The following KRT39 variants were observed in gnomAD, a reference collection of about 807,000 sequenced individuals.
The protein encoded by KRT39 is keratin, type I cytoskeletal 39.
Under a neutral mutation model 54.8 loss-of-function variants are expected in KRT39, and 47 were observed. The ratio of observed to expected loss-of-function variants is 0.86; its 90% CI spans 0.68 to 1.09. The LOEUF is 1.09. KRT39 is among the 50% of genes least tolerant of loss of function. KRT39 has a pLI of 0.00. For missense variants in KRT39, 580 were observed against 598.5 expected, an observed-to-expected ratio of 0.97 and a Z score of 0.32; for synonymous variants, 207 against 227.9, an observed-to-expected ratio of 0.91 and a Z score of 0.83.
Position 40,962,163 on chromosome 17 carries a change from A to G in KRT39, c.995T>C (p.Met332Thr), listed in dbSNP as rs999151291. ...LEVELQAQHR[M>T]RDSQECILTE... ...AGGCTTGGTCAGCTTGCTCAGTACC[A>G]TTCGATGCTGGGCCTGCAGTTCAAC... Residue 332 changes from methionine to threonine, a missense_variant and splice_region_variant, in exon 5 of 7, where the codon ATG (methionine) becomes ACG (threonine). Transcript: ENST00000355612. 7.4e-6 allele frequency: 12 copies of G among 1,614,132 alleles called. No homozygotes were observed. Among genetic ancestry groups the G allele is most frequent in the Middle Eastern group, 1.7e-4 (1 of 6,058 alleles).
In KRT39 at chr17:40,964,046, A is replaced by G. The variant is rs1311639514; in HGVS notation, c.552-263T>C. On this transcript the variant is annotated intron_variant, in intron 2 of 6. Coordinates refer to ENST00000355612, the MANE Select transcript of KRT39 (RefSeq NM_213656.4). ...CTTCCTCTGCCCCTAGTGGCAATGC[A>G]ATGTAAGTGAAGAAAGCACTGGATT... The G allele has an allele frequency of 7.0e-6, 3 of 428,000 alleles. No homozygotes were observed. The Admixed American group carries it at 1.2e-4, about 17-fold the overall frequency. The allele number at this position is 428,000 out of a possible 1,614,324, so 26.5% of individuals were successfully genotyped here.
Position 40,958,703 on chromosome 17 carries a change from C to G in KRT39, c.1374G>C (p.Leu458=), listed in dbSNP as rs1404781824. ...CCTTGGTGATGGTGCAAATTTTAAC[C>G]AGTATCCGGGACAGGGGTCCGCAGG... The part of the protein sequence containing the change: ...CSACGPLSRI[L]VKICTITKEI... The change falls in exon 7 of 7, where the codon CTG becomes CTC. Residue 458 remains leucine, a synonymous_variant. Coordinates refer to ENST00000355612, the MANE Select transcript of KRT39 (RefSeq NM_213656.4). The G allele has an allele frequency of 6.2e-7, 1 of 1,614,046 alleles. No homozygotes were observed. Among genetic ancestry groups the G allele is most frequent in the East Asian group, 2.2e-5 (1 of 44,874 alleles).
intron 3 of KRT39, 60 bp from the exon 4 acceptor site, chr17:40,962,623 G>T: frequency 6.9e-7 from 1 of 1,441,372 alleles, no homozygotes; most frequent in Non-Finnish European, 9.6e-7. Flanking sequence ...TTGTGTTCTT[G>T]TTTCACTCTA....
chr17:40,962,348 G>C, intron 4 of KRT39, 54 bp downstream of exon 4: 5 of 1,611,830 alleles, frequency 3.1e-6, no homozygotes, highest in Non-Finnish European at 4.2e-6. Context: ...TTGATTAAAG[G>C]GCCCTAGAAA....
At chr17:40,965,494 T>C (rs1911352667) in intron 1 of KRT39, among the ~76,000 whole-genome samples, 1 of 152,242 alleles carries the variant, frequency 6.6e-6, no homozygotes, top group Non-Finnish European at 1.5e-5. Flanking sequence ...AGGTCACCAA[T>C]ATTTTCCCAG....
intron 2 of KRT39, chr17:40,964,200 C>T: frequency 5.8e-6 from 3 of 520,848 alleles, no homozygotes; most frequent in Non-Finnish European, 1.0e-5. Flanking sequence ...TATATTAGTC[C>T]TATCTATTTT....
At chr17:40,959,016 GA>G (rs1280354010) in intron 6 of KRT39, among the ~76,000 whole-genome samples, 157 bp from the exon 7 acceptor site, 7 of 152,170 alleles carry the variant, frequency 4.6e-5, no homozygotes, top group African/African-American at 1.7e-4. Context: ...GTTACTGGAA[GA>G]AAAAGAATCA....
In KRT39 at chr17:40,962,288, C is replaced by G. The variant is rs747669462; in HGVS notation, c.871-1G>C. ...CCACTTGTTGATTCAGCTCCTCTAT[C>G]TGAAACACACAGCCAGAGACTGAGA... On this transcript the variant is annotated splice_acceptor_variant, in intron 4 of 6. Coordinates refer to ENST00000355612, the MANE Select transcript of KRT39 (RefSeq NM_213656.4). LOFTEE classifies it high-confidence loss of function. The G allele has an allele frequency of 4.3e-6, 7 of 1,614,004 alleles. No individual in the cohort carries two copies. Among genetic ancestry groups the G allele is most frequent in the Non-Finnish European group, 5.1e-6 (6 of 1,179,984 alleles).
Position 40,958,441 on chromosome 17 carries a change from G to A in KRT39, c.*160C>T, listed in dbSNP as rs1234832816. ...ATGTTAGCAGTGGTGAGTTAGGGAA[G>A]GAGCAGAATAAAAGATATTCTACCT... On this transcript the variant is annotated 3_prime_UTR_variant, in exon 7 of 7. Coordinates refer to ENST00000355612, the MANE Select transcript of KRT39 (RefSeq NM_213656.4). The A allele has an allele frequency of 9.2e-6, 6 of 648,842 alleles. No homozygotes were observed. The Admixed American group carries it at 1.2e-4, about 13-fold the overall frequency. 40.2% of individuals were successfully genotyped at this position (648,842 alleles called of 1,614,324 possible).
At position 40,962,235 on chromosome 17, in the gene KRT39, C is replaced by T. The variant is rs867037966; in HGVS notation, c.923G>A (p.Cys308Tyr). 1 of 1,614,220 alleles carries T rather than the reference C, an allele frequency of 6.2e-7. No homozygotes were observed. Among genetic ancestry groups the T allele is most frequent in the Non-Finnish European group, 8.5e-7 (1 of 1,180,048 alleles). Reference protein sequence around the residue: ...VVTSSQQQQCCQKEIIELRRS... With the variant: ...VVTSSQQQQCYQKEIIELRRS... ...TCTCAGTTCTATGATCTCCTTTTGGCAGCATTGCTGCTGTTGAGAGCTGGT... is the reference window on the plus strand; with the variant it reads ...TCTCAGTTCTATGATCTCCTTTTGGTAGCATTGCTGCTGTTGAGAGCTGGT... Residue 308 changes from cysteine to tyrosine, a missense_variant, in exon 5 of 7, where the codon TGC (cysteine) becomes TAC (tyrosine). Transcript: ENST00000355612.
rs1285639920 is a variant in KRT39, at chr17:40,958,712, G to A, written c.1365C>T (p.Ser455=). The change falls in exon 7 of 7, where the codon TCC becomes TCT. Residue 455 remains serine, a synonymous_variant. Transcript: ENST00000355612. ...TGGTGCAAATTTTAACCAGTATCCG[G>A]GACAGGGGTCCGCAGGCACTGCAGT... ...KEHCSACGPL[S]RILVKICTIT... The A allele has an allele frequency of 6.2e-7, 1 of 1,613,918 alleles. No homozygotes were observed. The highest frequency in any genetic ancestry group is 8.5e-7 in the Non-Finnish European group (1 of 1,180,008).
chr17:40,966,254 C>T (rs1911388067), intron 1 of KRT39, 135 bp downstream of exon 1: 14 of 663,860 alleles, frequency 2.1e-5, no homozygotes, highest in Non-Finnish European at 3.4e-5. Flanking sequence ...ATGACAATTT[C>T]ACTCAAGAAA....
chr17:40,963,353 C>T (rs561668322), intron 3 of KRT39, among the ~76,000 whole-genome samples: 2 of 152,252 alleles, frequency 1.3e-5, no homozygotes, highest in Non-Finnish European at 1.5e-5. Flanking sequence ...GCTCTTCCCC[C>T]TTTGGTCTCT....
chr17:40,959,162 T>C lies in KRT39; in HGVS notation c.1218-303A>G, dbSNP rs550282269. Among the ~76,000 whole-genome samples the C allele has an allele frequency of 3.3e-5, 5 of 152,228 alleles. No individual in the cohort carries two copies. In the East Asian group the frequency reaches 5.8e-4, roughly 18 times the overall value. ...AAGACTGAGGCAGAGACCAGCTCTG[T>C]CCTTTACCAGCTGGTGACCTCAGCT... is the stretch of plus-strand genomic sequence containing the variant. On this transcript the variant is annotated intron_variant, in intron 6 of 6. Coordinates refer to ENST00000355612, the MANE Select transcript of KRT39 (RefSeq NM_213656.4).
At chr17:40,960,028 T>C (rs1342693408) in intron 6 of KRT39, among the ~76,000 whole-genome samples, 1 of 152,202 alleles carries the variant, frequency 6.6e-6, no homozygotes, top group African/African-American at 2.4e-5. Context: ...GTAAGCAACC[T>C]ATAAGAAATT....
At chr17:40,965,139 G>A (rs565246404) in intron 1 of KRT39, among the ~76,000 whole-genome samples, 38 of 152,056 alleles carry the variant, frequency 2.5e-4, no homozygotes, top group Non-Finnish European at 4.6e-4. Flanking sequence ...AGGAAGCGGA[G>A]CTAGCAGTGA....
chr17:40,960,412 T>G lies in KRT39; in HGVS notation c.1086A>C (p.Glu362Asp). ...TQIQSLIDNLEAQLAEIRCAL... is the reference protein window; with the variant it reads ...TQIQSLIDNLDAQLAEIRCAL... The stretch of plus-strand genomic sequence containing the variant: ...CACACCGGATCTCTGCCAGCTGAGC[T>G]TCCAGGTTATCAATCAGACTCTGGA... Residue 362 changes from glutamate to aspartate, a missense_variant, in exon 6 of 7, where the codon GAA becomes GAC. Transcript: ENST00000355612. 6.2e-7 allele frequency: 1 copy of G among 1,614,118 alleles called. No homozygotes were observed. Among genetic ancestry groups the G allele is most frequent in the Non-Finnish European group, 8.5e-7 (1 of 1,180,022 alleles).
rs1911023128 is a variant in KRT39, at chr17:40,958,969, A to G, written c.1218-110T>C. On this transcript the variant is annotated intron_variant, in intron 6 of 6. Coordinates refer to ENST00000355612, the MANE Select transcript of KRT39 (RefSeq NM_213656.4). ...AACACGTGTTGCTCAAGACAAGTAC[A>G]TACTTCTAAATGCTTATTCATTTAT... The G allele has an allele frequency of 5.8e-5, 53 of 907,866 alleles. No individual in the cohort carries two copies. The South Asian group carries it at 7.8e-4, about 13-fold the overall frequency. 56.2% of individuals were successfully genotyped at this position (907,866 alleles called of 1,614,324 possible).
At chr17:40,963,963 A>G (rs1426874556) in intron 2 of KRT39, among the ~76,000 whole-genome samples, 180 bp from the exon 3 acceptor site, 1 of 152,160 alleles carries the variant, frequency 6.6e-6, no homozygotes, top group African/African-American at 2.4e-5. Context: ...ATTATTCCCA[A>G]ATTAGTTTGC....
Sources: allele counts gnomAD v4.1 joint callset (sites outside exome capture counted in the v4.1 genomes callset), GRCh38; gene constraint gnomAD v4.1.1; transcripts MANE v1.5; gene names NCBI Gene and HGNC (gene_info 2026-07-23, HGNC 2026-07-21).